Variants in PER1 observed in about 807,000 individuals in gnomAD.
The protein encoded by PER1 is period circadian regulator 1.
PER1 carries 87 observed loss-of-function variants against 125.9 expected under a neutral mutation model. The observed-to-expected ratio is 0.69, with a 90% CI of 0.58 to 0.83. The LOEUF (loss-of-function observed/expected upper bound fraction) is 0.83, where lower values mean the gene tolerates loss of function less well. Ranked by LOEUF, PER1 falls within the 40% of genes least tolerant of loss-of-function variation. The pLI, the probability that PER1 is intolerant of heterozygous loss-of-function variation, is 0.00. For missense variants in PER1, 1,775 were observed against 1,722.8 expected (o/e 1.03, Z -0.54); for synonymous variants, 801 against 714.7 (o/e 1.12, Z -1.93).
intron 17 of PER1, 87 bp downstream of exon 17, chr17:8,145,871 C>T: frequency 6.9e-7 from 1 of 1,440,456 alleles, no homozygotes; most frequent in Non-Finnish European, 9.4e-7. Context: ...CTCCATCAGG[C>T]CCTAGAGGGG....
Position 8,147,347 on chromosome 17 carries a change from C to T in PER1, c.1532G>A (p.Gly511Glu), listed in dbSNP as rs1486416961. The change falls in exon 13 of 23, where the codon GGA (glycine) becomes GAA (glutamate). Residue 511 changes from glycine (G) to glutamate (E), a missense_variant. Physicochemically the swap from Gly to Glu is moderately conservative, Grantham distance 98. Transcript: ENST00000317276. ...VHSPSPTGLCGVGAVTSPGPL... is the reference protein window; with the variant it reads ...VHSPSPTGLCEVGAVTSPGPL... Reference sequence around the variant, plus strand: ...GCCTGGGGATGTCACGGCGCCGACTCCACAGAGTCCCGTGGGGCTGGGGCT... The same window carrying T: ...GCCTGGGGATGTCACGGCGCCGACTTCACAGAGTCCCGTGGGGCTGGGGCT... 9.3e-6 allele frequency: 15 copies of T among 1,613,646 alleles called. No homozygotes were observed. The highest frequency in any genetic ancestry group is 1.3e-5 in the Non-Finnish European group (15 of 1,179,976).
chr17:8,141,857 G>A lies in PER1; in HGVS notation c.3548C>T (p.Ala1183Val). ...GCCCTTCCGGACCCAGGAGTGCACA[G>A]CACCCAGTTCCCGCCGCTGGTCCTC... ...FSEDQRRELG[A>V]VHSWVRKGQL... The change falls in exon 22 of 23, where the codon GCT becomes GTT. Residue 1183 changes from alanine (A) to valine (V), a missense_variant. By Grantham distance (64) the Ala-to-Val change is moderately conservative. Transcript: ENST00000317276. 6.2e-7 allele frequency: 1 copy of A among 1,614,068 alleles called. No individual in the cohort carries two copies. The highest frequency in any genetic ancestry group is 8.5e-7 in the Non-Finnish European group (1 of 1,180,002).
At position 8,148,051 on chromosome 17, in the gene PER1, G is replaced by A; in HGVS notation, c.1180C>T (p.Leu394Phe). Residue 394 changes from leucine (L) to phenylalanine (F), a missense_variant, in exon 10 of 23, where the codon CTC (leucine) becomes TTC (phenylalanine). Transcript: ENST00000317276. ...LPQDLLGAPVLLFLHPEDRPL... is the reference protein window; with the variant it reads ...LPQDLLGAPVFLFLHPEDRPL... ...CGGTCCTCAGGATGCAGGAACAGGA[G>A]CACTGGGGCCCCCAGGAGGTCCTGG... The A allele has an allele frequency of 6.2e-7, 1 of 1,612,868 alleles. No individual in the cohort carries two copies. The highest frequency in any genetic ancestry group is 8.5e-7 in the Non-Finnish European group (1 of 1,179,486).
rs1982470142 is a variant in PER1, at chr17:8,146,716, T to C, written c.1785A>G (p.Pro595=). 2 of 1,613,738 alleles carry C rather than the reference T, an allele frequency of 1.2e-6. No homozygotes were observed. Among genetic ancestry groups the C allele is most frequent in the South Asian group, 1.1e-5 (1 of 91,082 alleles). Residue 595 remains proline, a synonymous_variant, in exon 15 of 23, where the codon CCA becomes CCG. Coordinates refer to ENST00000317276, the MANE Select transcript of PER1 (RefSeq NM_002616.3). ...CGGGAGCAGAACCCGCCTCCAGCTC[T>C]GGGTCTGGGGATTGGCAGGGAAGGG... ...AKALPCQSPD[P]ELEAGSAPVQ...
At chr17:8,143,226 G>C (rs1325069783) in intron 19 of PER1, 40 bp downstream of exon 19, 1 of 1,354,018 alleles carries the variant, frequency 7.4e-7, no homozygotes, top group Non-Finnish European at 9.8e-7. Flanking sequence ...GGCGGGGCTG[G>C]GGTGGGGGCT....
chr17:8,145,180 G>T, intron 17 of PER1, 187 bp from the exon 18 acceptor site: 1 of 467,020 alleles, frequency 2.1e-6, no homozygotes, highest in Non-Finnish European at 3.5e-6. Context: ...TCCTCTCCAT[G>T]CAAAGCTGGC....
intron 22 of PER1, 136 bp downstream of exon 22, chr17:8,141,669 G>T: frequency 1.7e-6 from 2 of 1,194,664 alleles, no homozygotes; most frequent in Non-Finnish European, 2.4e-6. Flanking sequence ...ACATCAAGGA[G>T]ATCAGCTCTT....
Position 8,150,763 on chromosome 17 carries a change from G to T in PER1, c.-57C>A. ...GGCAGAGAGGCCACCACGGATGCAC[G>T]AGGGGGCCTGGAGGCTTGGCTGAGG... On this transcript the variant is annotated 5_prime_UTR_variant, in exon 2 of 23. Transcript: ENST00000317276. 1 of 1,466,694 alleles carries T rather than the reference G, an allele frequency of 6.8e-7. No homozygotes were observed. The highest frequency in any genetic ancestry group is 2.3e-5 in the Admixed American group (1 of 43,624). The allele number at this position is 1,466,694 out of a possible 1,614,324, so 90.9% of individuals were successfully genotyped here. A position where few individuals can be genotyped will look rare whatever the true frequency, so the allele number is the denominator to read the frequency against.
chr17:8,143,793 G>A lies in PER1; in HGVS notation c.2545C>T (p.Arg849Trp), dbSNP rs376281155. 1.9e-5 allele frequency: 30 copies of A among 1,610,478 alleles called. No individual in the cohort carries two copies. Among genetic ancestry groups the A allele is most frequent in the Admixed American group, 8.4e-5 (5 of 59,666 alleles). ...AKRSRHHQNP[R>W]AEAPCYVSHP... ...GAGACATAGCAGGGCGCTTCAGCCC[G>A]AGGGTTCTGGTGGTGGCGTGAGCGC... The change falls in exon 19 of 23, where the codon CGG (arginine) becomes TGG (tryptophan). Residue 849 changes from arginine to tryptophan, a missense_variant. By Grantham distance (101) the Arg-to-Trp change is moderately radical. Coordinates refer to ENST00000317276, the MANE Select transcript of PER1 (RefSeq NM_002616.3).
intron 19 of PER1, among the ~76,000 whole-genome samples, chr17:8,143,054 T>C (rs572309727): frequency 1.3e-5 from 2 of 152,308 alleles, no homozygotes; most frequent in East Asian, 1.9e-4. Flanking sequence ...TCAGAAGTTA[T>C]TGAGATGTCC....
Position 8,141,065 on chromosome 17 carries a change from A to C in PER1, c.*3T>G. The stretch of plus-strand genomic sequence containing the variant: ...ACTCCTGGAGATGGTCCCAGAATGG[A>C]GTCTAGCTGGTGCAGTTTCCTGCTG... On this transcript the variant is annotated 3_prime_UTR_variant, in exon 23 of 23. Transcript: ENST00000317276. 6.2e-7 allele frequency: 1 copy of C among 1,609,176 alleles called. No individual in the cohort carries two copies. Among genetic ancestry groups the C allele is most frequent in the South Asian group, 1.1e-5 (1 of 90,636 alleles).
Position 8,146,471 on chromosome 17 carries a change from T to C in PER1, c.1939A>G (p.Thr647Ala), listed in dbSNP as rs754025669. 1.9e-6 allele frequency: 3 copies of C among 1,613,544 alleles called. No individual in the cohort carries two copies. The highest frequency in any genetic ancestry group is 4.5e-5 in the East Asian group (2 of 44,888). Residue 647 changes from threonine (T) to alanine (A), a missense_variant, in exon 16 of 23, where the codon ACT becomes GCT. Physicochemically the swap from Thr to Ala is moderately conservative, Grantham distance 58 (BLOSUM62 0). Transcript: ENST00000317276. ...GAGGAGGAGGCACATTTACGCTTAG[T>C]GGTGCTGGGGAGGTTGCAGCTCTCC... ...YLESCNLPST[T>A]KRKCASSSSY...
rs369753708 is a variant in PER1 at position 8,144,824 on chromosome 17, G to C, written c.2388C>G (p.Ser796Arg). The C allele has an allele frequency of 2.1e-5, 34 of 1,585,126 alleles. No homozygotes were observed. Among genetic ancestry groups the C allele is most frequent in the Admixed American group, 8.8e-5 (5 of 57,122 alleles). ...GCAGCCTGCCCAGGTCTCGGAAGCG[G>C]CTGAGGAAGGCTTGCTCTTCCTTCT... The part of the protein sequence containing the change: ...HTQKEEQAFL[S>R]RFRDLGRLRG... The change falls in exon 18 of 23, where the codon AGC (serine) becomes AGG (arginine). Residue 796 changes from serine (S) to arginine (R), a missense_variant. Transcript: ENST00000317276.
In PER1 at chr17:8,143,452, G is replaced by T. The variant is rs775356970; in HGVS notation, c.2886C>A (p.Ala962=). The stretch of plus-strand genomic sequence containing the variant: ...AGTCCGGGCGGTGAGGAGGACTCGG[G>T]GCGAGGGCGGGCAAGGATGGAGAAG... The part of the protein sequence containing the change: ...HSPSPSLPAL[A]PSPPHRPDSP... The change falls in exon 19 of 23, where the codon GCC becomes GCA. Residue 962 remains alanine (A), a synonymous_variant. Coordinates refer to ENST00000317276, the MANE Select transcript of PER1 (RefSeq NM_002616.3). 34 of 1,608,068 alleles carry T rather than the reference G, an allele frequency of 2.1e-5. No individual in the cohort carries two copies. Among genetic ancestry groups the T allele is most frequent in the Non-Finnish European group, 2.4e-5 (28 of 1,176,696 alleles).
At position 8,143,666 on chromosome 17, in the gene PER1, G is replaced by A. The variant is rs1568024652; in HGVS notation, c.2672C>T (p.Pro891Leu). 2 of 1,471,962 alleles carry A rather than the reference G, an allele frequency of 1.4e-6. No individual in the cohort carries two copies. The highest frequency in any genetic ancestry group is 1.8e-6 in the Non-Finnish European group (2 of 1,105,976). 91.2% of individuals were successfully genotyped at this position (1,471,962 alleles called of 1,614,324 possible). A position where few individuals can be genotyped will look rare whatever the true frequency, so the allele number is the denominator to read the frequency against. ...VQPYPLPVFS[P>L]RGGPQPLPPA... ...GGGAAGAGGCTGGGGGCCTCCTCGA[G>A]GAGAGAACACTGGGAGAGGGTAGGG... The change falls in exon 19 of 23, where the codon CCT (proline) becomes CTT (leucine). Residue 891 changes from proline to leucine, a missense_variant. Physicochemically the swap from Pro to Leu is moderately conservative, Grantham distance 98. Coordinates refer to ENST00000317276, the MANE Select transcript of PER1 (RefSeq NM_002616.3).
At chr17:8,149,013 AC>A in intron 7 of PER1, 1 of 616,036 alleles carries the variant, frequency 1.6e-6, no homozygotes, top group Non-Finnish European at 2.8e-6. Flanking sequence ...ACATGGTGAA[AC>A]CCCGTCTCTA....
Position 8,146,582 on chromosome 17 carries a change from G to C in PER1, c.1907+12C>G. The C allele has an allele frequency of 6.2e-7, 1 of 1,605,238 alleles. No individual in the cohort carries two copies. The highest frequency in any genetic ancestry group is 1.1e-5 in the South Asian group (1 of 90,130). On this transcript the variant is annotated intron_variant, in intron 15 of 22. Transcript: ENST00000317276. Reference sequence around the variant, plus strand: ...AGAGCCCGAGGTGGAGAAGATGCCTGGCAGGCCTTACCTGAGGATGCTGTC... The same window carrying C: ...AGAGCCCGAGGTGGAGAAGATGCCTCGCAGGCCTTACCTGAGGATGCTGTC...
In PER1 at chr17:8,146,096, G is replaced by A. The variant is rs764080364; in HGVS notation, c.2080C>T (p.Arg694Trp). ...GTGCCTCCCACCACTGGCTCCTTCC[G>A]TGGGGTGGCCCCCTCCCCAGACAGC... ...AALSGEGATPRKEPVVGGTLS... is the reference protein window; with the variant it reads ...AALSGEGATPWKEPVVGGTLS... The change falls in exon 17 of 23, where the codon CGG becomes TGG. Residue 694 changes from arginine (R) to tryptophan (W), a missense_variant. Coordinates refer to ENST00000317276, the MANE Select transcript of PER1 (RefSeq NM_002616.3). The A allele has an allele frequency of 3.7e-5, 60 of 1,612,152 alleles. No individual in the cohort carries two copies. The Admixed American group carries it at 5.2e-4, about 14-fold the overall frequency.
chr17:8,151,715 C>G (rs900767130), intron 1 of PER1, among the ~76,000 whole-genome samples: 6 of 152,170 alleles, frequency 3.9e-5, no homozygotes, highest in Non-Finnish European at 7.3e-5. Flanking sequence ...CGTCAAGGAC[C>G]CGAGGATCCT....
Sources: gnomAD v4.1 joint callset for allele counts (sites outside exome capture counted in the v4.1 genomes callset) on GRCh38, gnomAD v4.1.1 for gene constraint, MANE v1.5 for transcripts, NCBI Gene and HGNC (gene_info 2026-07-23, HGNC 2026-07-21) for gene names.